SLC2A14: variants seen among roughly 807,000 people sequenced by gnomAD.
SLC2A14 encodes solute carrier family 2 member 14.
In SLC2A14, 13 loss-of-function variants were observed where a neutral mutation model predicts 43.0. That is an observed-to-expected ratio of 0.30 (90% CI 0.20 to 0.48). The LOEUF (loss-of-function observed/expected upper bound fraction) is 0.48. Ranked by LOEUF, SLC2A14 falls within the 20% of genes least tolerant of loss-of-function variation. SLC2A14 has a pLI of 0.99. For synonymous variants in SLC2A14, 190 were observed against 233.8 expected (o/e 0.81, Z 1.71); for missense variants, 428 against 620.4 (o/e 0.69, Z 3.29).
In SLC2A14 at chr12:7,829,948, G is replaced by C; in HGVS notation, c.331C>G (p.Leu111Val). Residue 111 changes from leucine (L) to valine (V), a missense_variant, in exon 5 of 11, where the codon CTG (leucine) becomes GTG (valine). Transcript: ENST00000431042. ...TCAACTGACTCAGCTATTTTACACA[G>C]TCCCATAAGGCAGCCACCAGTGGCA... ...LAATGGCLMG[L>V]CKIAESVEML... The C allele has an allele frequency of 1.9e-6, 3 of 1,614,186 alleles. No homozygotes were observed. The highest frequency in any genetic ancestry group is 1.1e-5 in the South Asian group (1 of 91,084).
intron 2 of SLC2A14, among the ~76,000 whole-genome samples, chr12:7,859,726 T>A (rs1409721552): frequency 2.0e-5 from 3 of 152,136 alleles, no homozygotes; most frequent in Non-Finnish European, 2.9e-5. Context: ...TACAATATCC[T>A]GATGGCATGC....
chr12:7,822,650 C>T lies in SLC2A14; in HGVS notation c.865-1325G>A, dbSNP rs141345638. Among the ~76,000 whole-genome samples the T allele has an allele frequency of 8.8e-3, 1,244 of 141,192 alleles. 28 individuals carry two copies. The highest frequency in any genetic ancestry group is 0.084 in the East Asian group (406 of 4,862). The allele number at this position is 141,192 out of a possible 152,430, so 92.6% of individuals were successfully genotyped here. On this transcript the variant is annotated intron_variant, in intron 7 of 10. Coordinates refer to ENST00000431042, the MANE Select transcript of SLC2A14 (RefSeq NM_001286234.2). ...TGCCACTGCACTCCAGCCTGGGCAA[C>T]AGAGCGAGACTCCATCTCAAAAAAA...
At chr12:7,863,929 C>T (rs11613773) in intron 2 of SLC2A14, among the ~76,000 whole-genome samples, 39,126 of 151,142 alleles carry the variant, frequency 0.26, 5,596 homozygotes, top group Middle Eastern at 0.33. Context: ...GATTCTCCCG[C>T]GTCAGCCTCC....
At chr12:7,815,894 TTTTTTG>T (rs772359975) in intron 10 of SLC2A14, among the ~76,000 whole-genome samples, 3 of 149,240 alleles carry the variant, frequency 2.0e-5, no homozygotes, top group South Asian at 4.3e-4. Flanking sequence ...TTTTTTTTGT[TTTTTTG>T]TTTTTGTTTT....
At position 7,826,910 on chromosome 12, in the gene SLC2A14, T is replaced by C. The variant is rs112711842; in HGVS notation, c.864+585A>G. On this transcript the variant is annotated intron_variant, in intron 7 of 10. Transcript: ENST00000431042. Reference sequence around the variant, plus strand: ...CTTTCTTTCTTTCTTTCTTTCTTTCTTTCTTTTTCCTTTTTCTTTCCTTTC... The same window carrying C: ...CTTTCTTTCTTTCTTTCTTTCTTTCCTTCTTTTTCCTTTTTCTTTCCTTTC... Among the ~76,000 whole-genome samples the C allele has an allele frequency of 2.7e-3, 134 of 50,190 alleles. 8 individuals carry two copies. Among genetic ancestry groups the C allele is most frequent in the African/African-American group, 0.014 (116 of 8,506 alleles). The allele number at this position is 50,190 out of a possible 152,430, so 32.9% of individuals were successfully genotyped here.
At chr12:7,873,657 A>G (rs55883844), upstream of SLC2A14, among the ~76,000 whole-genome samples, 1 of 11,282 alleles carries the variant, frequency 8.9e-5, no homozygotes, top group Non-Finnish European at 2.7e-4. Context: ...AAACAAACAA[A>G]CAAACAAACA....
intron 7 of SLC2A14, among the ~76,000 whole-genome samples, chr12:7,826,971 CTCTCTTTCTCTCCTT>C (rs1565508716): frequency 2.4e-4 from 9 of 36,782 alleles, no homozygotes; most frequent in African/African-American, 4.5e-4. Context: ...CTCTTTCTCT[CTCTCTTTCTCTCCTT>C]TCTCTCTTTC....
At position 7,855,924 on chromosome 12, in the gene SLC2A14, C is replaced by T. The variant is rs978188582; in HGVS notation, c.18+13939G>A. 5.3e-5 allele frequency among the ~76,000 whole-genome samples: 8 copies of T among 152,032 alleles called. No individual in the cohort carries two copies. In the East Asian group the frequency reaches 1.5e-3, roughly 29 times the overall value. On this transcript the variant is annotated intron_variant, in intron 2 of 10. Transcript: ENST00000431042. Reference sequence around the variant, plus strand: ...TGCTGGGATTACAGGTGTGAGCCACCGCGCCTGGCTTACAAAAGCTCCCTC... The same window carrying T: ...TGCTGGGATTACAGGTGTGAGCCACTGCGCCTGGCTTACAAAAGCTCCCTC...
intron 2 of SLC2A14, among the ~76,000 whole-genome samples, chr12:7,869,650 C>A (rs1299896782): frequency 1.3e-5 from 2 of 152,026 alleles, no homozygotes; most frequent in African/African-American, 4.8e-5. Flanking sequence ...TATTAAAGCA[C>A]AAAAGGCTGC....
chr12:7,862,319 G>A (rs966311079), intron 2 of SLC2A14, among the ~76,000 whole-genome samples: 8 of 149,350 alleles, frequency 5.4e-5, no homozygotes, highest in Non-Finnish European at 1.0e-4. Flanking sequence ...GGTGGCACAT[G>A]TCTGTAATAC....
At chr12:7,845,829 C>T (rs1457992712) in intron 2 of SLC2A14, among the ~76,000 whole-genome samples, 1 of 148,168 alleles carries the variant, frequency 6.7e-6, no homozygotes, top group African/African-American at 2.5e-5. Context: ...TGGTGGCTCA[C>T]GCCTGTAATC....
intron 6 of SLC2A14, among the ~76,000 whole-genome samples, chr12:7,828,424 T>C (rs1257243101): frequency 6.7e-6 from 1 of 149,836 alleles, no homozygotes; most frequent in East Asian, 2.0e-4. Context: ...GGCACATGCC[T>C]ATAATCCCAC....
rs756440122 is a variant in SLC2A14 at position 7,891,148 on chromosome 12, T to C, written c.-21A>G. The C allele has an allele frequency of 1.8e-5, 27 of 1,529,472 alleles. No individual in the cohort carries two copies. In the South Asian group the frequency reaches 3.2e-4, roughly 18 times the overall value. 94.7% of individuals were successfully genotyped at this position (1,529,472 alleles called of 1,614,324 possible). ...TGCATTGTGAACAAAAGTCAGGTTGTGTGGGAGCAAAGCCAGCTGCTCCCA... is the reference window on the plus strand; with the variant it reads ...TGCATTGTGAACAAAAGTCAGGTTGCGTGGGAGCAAAGCCAGCTGCTCCCA... On this transcript the variant is annotated 5_prime_UTR_variant, in exon 1 of 10. Transcript: ENST00000539924.
intron 2 of SLC2A14, among the ~76,000 whole-genome samples, chr12:7,835,727 A>G (rs1865396822): frequency 6.6e-6 from 1 of 152,184 alleles, no homozygotes; most frequent in Non-Finnish European, 1.5e-5. Context: ...TTCATAAAAC[A>G]ATGTAAATGG....
intron 6 of SLC2A14, among the ~76,000 whole-genome samples, chr12:7,827,981 T>G (rs1214403983): frequency 6.6e-6 from 1 of 151,138 alleles, no homozygotes; most frequent in Non-Finnish European, 1.5e-5. Flanking sequence ...CTAATAAAAA[T>G]ACAAATTAGT....
intron 2 of SLC2A14, among the ~76,000 whole-genome samples, chr12:7,848,842 C>T (rs1866687061): frequency 6.6e-6 from 1 of 151,670 alleles, no homozygotes; most frequent in Non-Finnish European, 1.5e-5. Context: ...AAGCATGAGC[C>T]ACCGCGCCCG....
intron 1 of SLC2A14, chr12:7,871,441 G>C (rs1945228444): frequency 4.6e-6 from 1 of 215,562 alleles, no homozygotes; most frequent in Non-Finnish European, 9.2e-6. Context: ...GGCACACACT[G>C]GTCTGTACCA....
In SLC2A14 at chr12:7,869,883, C is replaced by G. The variant is rs1391892000; in HGVS notation, c.-3G>C. On this transcript the variant is annotated 5_prime_UTR_variant, in exon 2 of 11. Transcript: ENST00000431042. ...CTCACATTCTGTCTGTTGTCCATCT[C>G]TCTGCTATCCTAGGAATTGACTCCC... The G allele has an allele frequency of 2.6e-6, 4 of 1,527,950 alleles. No homozygotes were observed. Among genetic ancestry groups the G allele is most frequent in the Non-Finnish European group, 3.5e-6 (4 of 1,140,224 alleles). 94.6% of individuals were successfully genotyped at this position (1,527,950 alleles called of 1,614,324 possible). A position where few individuals can be genotyped will look rare whatever the true frequency, so the allele number is the denominator to read the frequency against.
intron 2 of SLC2A14, among the ~76,000 whole-genome samples, chr12:7,868,693 A>C (rs1468097352): frequency 6.6e-6 from 1 of 152,188 alleles, no homozygotes; most frequent in Admixed American, 6.5e-5. Flanking sequence ...TTTGTTAGAG[A>C]AAAAATACTT....
Sources: allele counts gnomAD v4.1 joint callset (sites outside exome capture counted in the v4.1 genomes callset), GRCh38; gene constraint gnomAD v4.1.1; transcripts MANE v1.5; gene names NCBI Gene and HGNC (gene_info 2026-07-23, HGNC 2026-07-21).